The following LOC128092252 variants were observed in gnomAD, a reference collection of about 807,000 sequenced individuals.
At chr15:50,673,029 A>G in the LOC128092252 span, among the ~76,000 whole-genome samples, 150,899 of 152,080 alleles carry the variant, frequency 0.99, 74,877 homozygotes, top group Middle Eastern at 1. Flanking sequence ...ATGTTTACAA[A>G]TCTGTTAAAT....
At chr15:50,673,004 T>C in the LOC128092252 span, among the ~76,000 whole-genome samples, 1 of 149,848 alleles carries the variant, frequency 6.7e-6, no homozygotes, top group Admixed American at 6.7e-5. Flanking sequence ...ATTACAAGAG[T>C]CAAAAAGTTT....
At chr15:50,662,841 T>C in the LOC128092252 span, 2 of 739,570 alleles carry the variant, frequency 2.7e-6, no homozygotes, top group South Asian at 3.3e-5. Context: ...TGATTAACAG[T>C]AATTATAAAA....
chr15:50,686,018 C>T, the LOC128092252 span, among the ~76,000 whole-genome samples: 1 of 152,230 alleles, frequency 6.6e-6, no homozygotes, highest in Admixed American at 6.5e-5. Context: ...GTATCCGCTG[C>T]ACAGCAAACA....
the LOC128092252 span, among the ~76,000 whole-genome samples, chr15:50,657,046 G>A: frequency 0.15 from 22,255 of 152,066 alleles, 2,218 homozygotes; most frequent in Admixed American, 0.28. Context: ...AAAATCAGCC[G>A]GGCCTGGTGG....
the LOC128092252 span, among the ~76,000 whole-genome samples, chr15:50,667,046 A>G: frequency 3.3e-5 from 5 of 152,076 alleles, no homozygotes; most frequent in Non-Finnish European, 5.9e-5. Context: ...CCTTTCTGGT[A>G]ACATCTTTCT....
the LOC128092252 span, among the ~76,000 whole-genome samples, chr15:50,664,169 G>A: frequency 6.6e-6 from 1 of 151,752 alleles, no homozygotes; most frequent in Non-Finnish European, 1.5e-5. Context: ...GTGGTGGCGT[G>A]TGCCTGTAAT....
chr15:50,674,118 A>G, the LOC128092252 span, among the ~76,000 whole-genome samples: 1 of 152,140 alleles, frequency 6.6e-6, no homozygotes, highest in Non-Finnish European at 1.5e-5. Context: ...CCTCTGGAGT[A>G]GCTGAGATAA....
chr15:50,681,048 C>T, the LOC128092252 span, among the ~76,000 whole-genome samples: 2 of 152,050 alleles, frequency 1.3e-5, no homozygotes, highest in Admixed American at 6.6e-5. Flanking sequence ...GTCAGGAGTT[C>T]GAGACCAGCC....
the LOC128092252 span, among the ~76,000 whole-genome samples, chr15:50,673,063 T>TAAGC: frequency 0.024 from 3,689 of 151,294 alleles, 143 homozygotes; most frequent in African/African-American, 0.086. Flanking sequence ...TAAGCTAGCG[T>TAAGC]TAATTTATTA....
the LOC128092252 span, among the ~76,000 whole-genome samples, chr15:50,661,054 A>G: frequency 7.2e-6 from 1 of 138,208 alleles, no homozygotes; most frequent in African/African-American, 2.7e-5. Flanking sequence ...TCAGCTCACT[A>G]CAACCTCTGC....
the LOC128092252 span, among the ~76,000 whole-genome samples, chr15:50,659,652 C>T: frequency 6.6e-6 from 1 of 150,634 alleles, no homozygotes; most frequent in Admixed American, 6.8e-5. Context: ...AAATAAACTC[C>T]TTAATGATAA....
At chr15:50,650,732 C>T in the LOC128092252 span, among the ~76,000 whole-genome samples, 1 of 151,866 alleles carries the variant, frequency 6.6e-6, no homozygotes, top group African/African-American at 2.4e-5. Flanking sequence ...CAGACCTAGA[C>T]AGCCCATGCC....
chr15:50,672,455 T>A, the LOC128092252 span, among the ~76,000 whole-genome samples: 9 of 152,004 alleles, frequency 5.9e-5, no homozygotes, highest in South Asian at 1.9e-3. Flanking sequence ...GACAACTCCA[T>A]TCATGTTATT....
the LOC128092252 span, among the ~76,000 whole-genome samples, chr15:50,651,403 T>C: frequency 6.6e-6 from 1 of 151,866 alleles, no homozygotes; most frequent in Non-Finnish European, 1.5e-5. Flanking sequence ...CCCAGCACTT[T>C]GGGAAGCCGA....
At chr15:50,653,077 G>A in the LOC128092252 span, among the ~76,000 whole-genome samples, 2 of 152,122 alleles carry the variant, frequency 1.3e-5, no homozygotes, top group Non-Finnish European at 2.9e-5. Context: ...CCTGAGCCCG[G>A]GAGGTCAAGT....
At chr15:50,656,300 TG>T in the LOC128092252 span, among the ~76,000 whole-genome samples, 2 of 151,888 alleles carry the variant, frequency 1.3e-5, no homozygotes, top group Non-Finnish European at 2.9e-5. Flanking sequence ...CAGGTCTTTT[TG>T]TTTGTTTTTT....
chr15:50,686,428 G>C, the LOC128092252 span: 2 of 1,592,532 alleles, frequency 1.3e-6, no homozygotes, highest in African/African-American at 1.3e-5. Flanking sequence ...AGGGTCCTTC[G>C]CCGCATGGAA....
the LOC128092252 span, among the ~76,000 whole-genome samples, chr15:50,662,750 T>C: frequency 0.14 from 21,016 of 152,130 alleles, 1,492 homozygotes; most frequent in Middle Eastern, 0.2. Flanking sequence ...AAGGAAGAGA[T>C]TGTATGCTGT....
At chr15:50,649,363 C>T in the LOC128092252 span, among the ~76,000 whole-genome samples, 14 of 151,184 alleles carry the variant, frequency 9.3e-5, no homozygotes, top group African/African-American at 3.2e-4. Flanking sequence ...TGGTTGAGCC[C>T]GTCAGGGCTG....
Sources: allele counts gnomAD v4.1 joint callset (sites outside exome capture counted in the v4.1 genomes callset), GRCh38; gene constraint gnomAD v4.1.1; transcripts MANE v1.5.